The following ENO2 variants were observed in gnomAD, a reference collection of about 807,000 sequenced individuals.
ENO2 encodes gamma-enolase.
A neutral mutation model predicts 48.7 loss-of-function variants in ENO2; 19 were observed. The observed-to-expected ratio is 0.39, with a 90% CI of 0.27 to 0.57. The LOEUF is 0.57. Among genes scored for constraint, ENO2 ranks in the 20% least tolerant of loss-of-function variants. ENO2 has a pLI of 0.58. For synonymous variants in ENO2, 198 were observed against 213.4 expected (o/e 0.93, Z 0.63); for missense variants, 416 against 555.0 (o/e 0.75, Z 2.52).
In ENO2 at chr12:6,922,076, A is replaced by G. The variant is rs782205190; in HGVS notation, c.1088A>G (p.Asn363Ser). The G allele has an allele frequency of 3.7e-5, 60 of 1,614,034 alleles. No homozygotes were observed. Among genetic ancestry groups the G allele is most frequent in the Non-Finnish European group, 5.0e-5 (59 of 1,180,038 alleles). ...TACAGGTGCAAGCTGGCCCAGGAGA[A>G]TGGCTGGGGGGTCATGGTGAGTCAT... Reference protein sequence around the residue: ...AIQACKLAQENGWGVMVSHRS... With the variant: ...AIQACKLAQESGWGVMVSHRS... The change falls in exon 10 of 12, where the codon AAT (asparagine) becomes AGT (serine). Residue 363 changes from asparagine to serine, a missense_variant. Physicochemically the swap from Asn to Ser is conservative, Grantham distance 46. Transcript: ENST00000229277. The surrounding 1 kb of genome is among the most constrained non-coding windows in gnomAD (Gnocchi z 5.3).
Position 6,917,916 on chromosome 12 carries a change from TTCTG to T in ENO2, c.445-20_445-17del. ...CGGGCAGGGAGGGGCTCTTTGACCC[TTCTG>T]TCTTTCTGTGGCTCCCCAGGCCTTC... On this transcript the variant is annotated intron_variant, in intron 6 of 11. Transcript: ENST00000229277. 2 of 1,613,076 alleles carry T rather than the reference TTCTG, an allele frequency of 1.2e-6. No individual in the cohort carries two copies. The highest frequency in any genetic ancestry group is 8.5e-7 in the Non-Finnish European group (1 of 1,179,716).
At position 6,916,072 on chromosome 12, in the gene ENO2, C is replaced by T. The variant is rs193255296; in HGVS notation, c.85+155C>T. ...GTTGTGGCGGTTGGATCCTCCTTGTCCGGGGAGCCAGGGTAGGTGGGTCTG... is the reference window on the plus strand; with the variant it reads ...GTTGTGGCGGTTGGATCCTCCTTGTTCGGGGAGCCAGGGTAGGTGGGTCTG... On this transcript the variant is annotated intron_variant, in intron 2 of 11. Coordinates refer to ENST00000229277, the MANE Select transcript of ENO2 (RefSeq NM_001975.3). This position sits in a 1 kb window ranked among gnomAD's most constrained non-coding sequence, Gnocchi z 4.5. Among the ~76,000 whole-genome samples, 803 of 152,164 alleles carry T rather than the reference C, an allele frequency of 5.3e-3. 11 individuals carry two copies. Among genetic ancestry groups the T allele is most frequent in the Middle Eastern group, 0.017 (5 of 294 alleles).
intron 8 of ENO2, among the ~76,000 whole-genome samples, chr12:6,920,534 G>A (rs1347583921): frequency 1.3e-5 from 2 of 151,758 alleles, no homozygotes; most frequent in Non-Finnish European, 2.9e-5. Flanking sequence ...CGAATAGCTG[G>A]GATTACAGGC....
intron 5 of ENO2, 190 bp from the exon 6 acceptor site, chr12:6,917,391 A>G (rs781795468): frequency 3.5e-5 from 29 of 825,922 alleles, no homozygotes; most frequent in Non-Finnish European, 4.4e-5. Flanking sequence ...GCCGTTTCCA[A>G]TCTCCTCCTC....
At position 6,914,684 on chromosome 12, in the gene ENO2, C is replaced by A; in HGVS notation, c.-13+25C>A. The A allele has an allele frequency of 6.4e-6, 1 of 155,524 alleles. No homozygotes were observed. The highest frequency in any genetic ancestry group is 1.4e-5 in the Non-Finnish European group (1 of 69,720). 9.6% of individuals were successfully genotyped at this position (155,524 alleles called of 1,614,324 possible). On this transcript the variant is annotated intron_variant, in intron 1 of 11. Transcript: ENST00000229277. The surrounding 1 kb of genome is among the most constrained non-coding windows in gnomAD (Gnocchi z 7.1). ...GGTGAAGCCCCCGCCAGGCCCAGAGCCCCTGTGGCCCCCTCCCTTCGCCGC... is the reference window on the plus strand; with the variant it reads ...GGTGAAGCCCCCGCCAGGCCCAGAGACCCTGTGGCCCCCTCCCTTCGCCGC...
In ENO2 at chr12:6,918,185, C is replaced by T. The variant is rs782465741; in HGVS notation, c.667+23C>T. 9.9e-6 allele frequency: 16 copies of T among 1,611,526 alleles called. 2 individuals are homozygous for T. The highest frequency in any genetic ancestry group is 9.9e-5 in the South Asian group (9 of 90,988). ...AAGGTGAGGCCAGGAGCCCCACTCC[C>T]AGCTCTAAGTCTTACCCTATTGTGG... On this transcript the variant is annotated intron_variant, in intron 7 of 11. Transcript: ENST00000229277.
chr12:6,922,817 G>A lies in ENO2; in HGVS notation c.*17G>A. 1 of 1,613,796 alleles carries A rather than the reference G, an allele frequency of 6.2e-7. No homozygotes were observed. The highest frequency in any genetic ancestry group is 1.1e-5 in the South Asian group (1 of 91,074). On this transcript the variant is annotated 3_prime_UTR_variant, in exon 12 of 12. Coordinates refer to ENST00000229277, the MANE Select transcript of ENO2 (RefSeq NM_001975.3). The surrounding 1 kb of genome is among the most constrained non-coding windows in gnomAD (Gnocchi z 5.3). ...GTGCTGTGATTCCTCTGCTTGCCTG[G>A]AGACGTGGAACCTCTGTCTCATCCT...
intron 5 of ENO2, 42 bp downstream of exon 5, chr12:6,917,149 G>C: frequency 6.2e-7 from 1 of 1,611,658 alleles, no homozygotes; most frequent in Non-Finnish European, 8.5e-7. Context: ...GTCAGGGTGG[G>C]GAGGCGTGGA....
At position 6,921,192 on chromosome 12, in the gene ENO2, C is replaced by CGT. The variant is rs1227068988; in HGVS notation, c.866-388_866-387insTG. Among the ~76,000 whole-genome samples, 4 of 137,650 alleles carry CGT rather than the reference C, an allele frequency of 2.9e-5. No individual in the cohort carries two copies. In the East Asian group the frequency reaches 1.3e-3, roughly 43 times the overall value. The allele number at this position is 137,650 out of a possible 152,430, so 90.3% of individuals were successfully genotyped here. The stretch of plus-strand genomic sequence containing the variant: ...GGAGGACTGCTTGAATCCAGGAGTT[C>CGT]GAGACTGGCCTGGCAATACAGTGAG... On this transcript the variant is annotated intron_variant, in intron 8 of 11. Transcript: ENST00000229277.
At position 6,916,013 on chromosome 12, in the gene ENO2, G is replaced by C; in HGVS notation, c.85+96G>C. ...TCGGAGGCCTTTTTTGATACCCAGG[G>C]GTATGGGGTGCTGGGCCAGGCTCAC... On this transcript the variant is annotated intron_variant, in intron 2 of 11. Coordinates refer to ENST00000229277, the MANE Select transcript of ENO2 (RefSeq NM_001975.3). This position sits in a 1 kb window ranked among gnomAD's most constrained non-coding sequence, Gnocchi z 4.5. 7.7e-7 allele frequency: 1 copy of C among 1,297,114 alleles called. No homozygotes were observed. Among genetic ancestry groups the C allele is most frequent in the Non-Finnish European group, 1.1e-6 (1 of 903,696 alleles). 80.4% of individuals were successfully genotyped at this position (1,297,114 alleles called of 1,614,324 possible).
At position 6,917,561 on chromosome 12, in the gene ENO2, C is replaced by T; in HGVS notation, c.311-20C>T. 1.2e-6 allele frequency: 2 copies of T among 1,607,200 alleles called. No individual in the cohort carries two copies. Among genetic ancestry groups the T allele is most frequent in the Non-Finnish European group, 1.7e-6 (2 of 1,176,502 alleles). On this transcript the variant is annotated intron_variant, in intron 5 of 11. Coordinates refer to ENST00000229277, the MANE Select transcript of ENO2 (RefSeq NM_001975.3). ...GAGAAGGGGACATTGTGCTCAGCACCTTCCTCTATAATCTCCTAGCCAAGT... is the reference window on the plus strand; with the variant it reads ...GAGAAGGGGACATTGTGCTCAGCACTTTCCTCTATAATCTCCTAGCCAAGT...
Position 6,916,324 on chromosome 12 carries a change from T to G in ENO2, c.86-93T>G, listed in dbSNP as rs782523655. 3.5e-6 allele frequency: 4 copies of G among 1,145,972 alleles called. No individual in the cohort carries two copies. Among genetic ancestry groups the G allele is most frequent in the East Asian group, 2.5e-5 (1 of 39,462 alleles). 71.0% of individuals were successfully genotyped at this position (1,145,972 alleles called of 1,614,324 possible). A position where few individuals can be genotyped will look rare whatever the true frequency, so the allele number is the denominator to read the frequency against. On this transcript the variant is annotated intron_variant, in intron 2 of 11. Transcript: ENST00000229277. The surrounding 1 kb of genome is among the most constrained non-coding windows in gnomAD (Gnocchi z 4.5). ...GGAGCAGTGTGGGGAGAGAGCTAGA[T>G]GTGGTAGGCAGGCAGTTTAGAGCCA...
Position 6,922,477 on chromosome 12 carries a change from A to C in ENO2, c.1235+75A>C. 2.5e-6 allele frequency: 4 copies of C among 1,569,608 alleles called. No homozygotes were observed. The highest frequency in any genetic ancestry group is 3.5e-6 in the Non-Finnish European group (4 of 1,140,472). On this transcript the variant is annotated intron_variant, in intron 11 of 11. Coordinates refer to ENST00000229277, the MANE Select transcript of ENO2 (RefSeq NM_001975.3). The surrounding 1 kb of genome is among the most constrained non-coding windows in gnomAD (Gnocchi z 5.3). ...ATTTGCCTGCCAGACCATCTGTAGC[A>C]CCAAGGGCCTGGATAACAGTCCATT... is the stretch of plus-strand genomic sequence containing the variant.
chr12:6,917,396 C>T (rs1338128430), intron 5 of ENO2, 185 bp from the exon 6 acceptor site: 52 of 850,248 alleles, frequency 6.1e-5, no homozygotes, highest in Admixed American at 1.8e-4. Context: ...TTCCAATCTC[C>T]TCCTCCCCAC....
intron 5 of ENO2, 63 bp downstream of exon 5, chr12:6,917,170 A>T (rs1945299449): frequency 6.3e-7 from 1 of 1,595,000 alleles, no homozygotes; most frequent in African/African-American, 1.3e-5. Context: ...GCAGATAGAG[A>T]GCTGAAGGGC....
Position 6,916,302 on chromosome 12 carries a change from G to A in ENO2, c.86-115G>A. ...GGTGGGGGTGGGGGGATGTTAGGGA[G>A]CAGTGTGGGGAGAGAGCTAGATGTG... is the stretch of plus-strand genomic sequence containing the variant. On this transcript the variant is annotated intron_variant, in intron 2 of 11. Transcript: ENST00000229277. This position sits in a 1 kb window ranked among gnomAD's most constrained non-coding sequence, Gnocchi z 4.5. 1 of 902,728 alleles carries A rather than the reference G, an allele frequency of 1.1e-6. No individual in the cohort carries two copies. The highest frequency in any genetic ancestry group is 1.7e-6 in the Non-Finnish European group (1 of 600,532). The allele number at this position is 902,728 out of a possible 1,614,324, so 55.9% of individuals were successfully genotyped here.
intron 6 of ENO2, 88 bp downstream of exon 6, chr12:6,917,802 T>G: frequency 6.3e-7 from 1 of 1,592,260 alleles, no homozygotes; most frequent in East Asian, 2.2e-5. Flanking sequence ...GGAAAGTGAA[T>G]TGAGGGAGGT....
In ENO2 at chr12:6,918,038, C is replaced by A. The variant is rs1471572235; in HGVS notation, c.543C>A (p.Ala181=). 1.2e-6 allele frequency: 2 copies of A among 1,614,040 alleles called. No individual in the cohort carries two copies. The highest frequency in any genetic ancestry group is 1.3e-5 in the African/African-American group (1 of 74,906). Residue 181 remains alanine, a synonymous_variant, in exon 7 of 12, where the codon GCC becomes GCA. Coordinates refer to ENST00000229277, the MANE Select transcript of ENO2 (RefSeq NM_001975.3). ...LPVGAESFRD[A]MRLGAEVYHT... The stretch of plus-strand genomic sequence containing the variant: ...TGGGAGCTGAGAGCTTTCGGGATGC[C>A]ATGCGACTAGGTGCAGAGGTCTACC...
Position 6,918,586 on chromosome 12 carries a change from G to A in ENO2, c.667+424G>A, listed in dbSNP as rs182500324. 2.1e-4 allele frequency among the ~76,000 whole-genome samples: 32 copies of A among 151,142 alleles called. No homozygotes were observed. The South Asian group carries it at 2.3e-3, about 11-fold the overall frequency. ...GAACTCCTGACCTTGTGATCGGCCC[G>A]CCTCGGCCTCCCAAAGTGCTGGGAT... On this transcript the variant is annotated intron_variant, in intron 7 of 11. Transcript: ENST00000229277.
Sources: allele counts gnomAD v4.1 joint callset (sites outside exome capture counted in the v4.1 genomes callset), GRCh38; gene constraint gnomAD v4.1.1; non-coding constraint Gnocchi (gnomAD v3.1); transcripts MANE v1.5; gene names NCBI Gene and HGNC (gene_info 2026-07-23, HGNC 2026-07-21).